POF1B: variants seen among roughly 807,000 people sequenced by gnomAD.
POF1B encodes POF1B actin binding protein.
A neutral mutation model predicts 55.3 loss-of-function variants in POF1B; 53 were observed. That is an observed-to-expected ratio of 0.96 (90% CI 0.77 to 1.20). The LOEUF is 1.20. Ranked by LOEUF, POF1B falls within the 50% of genes most tolerant of loss-of-function variation. POF1B has a pLI of 0.00. For synonymous variants in POF1B, 188 were observed against 148.3 expected (o/e 1.27, Z -1.95); for missense variants, 478 against 420.5 (o/e 1.14, Z -1.20).
intron 6 of POF1B, among the ~76,000 whole-genome samples, chrX:85,340,551 G>C (rs1186657681): frequency 3.6e-5 from 4 of 111,600 alleles, no homozygotes; most frequent in African/African-American, 1.3e-4. Flanking sequence ...TGAAAGCTAT[G>C]TGAACTGAAG....
At chrX:85,373,415 C>A (rs757469452) in intron 2 of POF1B, among the ~76,000 whole-genome samples, 1 of 111,405 alleles carries the variant, frequency 9.0e-6, no homozygotes, top group Admixed American at 9.6e-5. Flanking sequence ...CATAATAATG[C>A]ATGTTTTATC....
At chrX:85,287,705 T>C (rs1489869639) in intron 15 of POF1B, among the ~76,000 whole-genome samples, 2 of 111,392 alleles carry the variant, frequency 1.8e-5, no homozygotes, top group African/African-American at 3.3e-5. Flanking sequence ...TCTTCCAAAA[T>C]ATAAAATAGT....
chrX:85,365,900 G>A (rs921693488), intron 3 of POF1B, among the ~76,000 whole-genome samples: 1 of 111,117 alleles, frequency 9.0e-6, no homozygotes, highest in Admixed American at 9.6e-5. Flanking sequence ...TGGGGGTTCT[G>A]TGCTGTAGGC....
rs1932968396 is a variant in POF1B, at chrX:85,330,944, A to G, written c.854+5T>C. 3.4e-6 allele frequency: 4 copies of G among 1,172,642 alleles called. No homozygotes were observed. Among genetic ancestry groups the G allele is most frequent in the Admixed American group, 4.8e-5 (2 of 41,530 alleles). On this transcript the variant is annotated splice_donor_5th_base_variant and intron_variant, in intron 7 of 16. Coordinates refer to ENST00000262753, the MANE Select transcript of POF1B (RefSeq NM_024921.4). ...ACATCAAGGCAAATAATATGTTTAC[A>G]GTACCTTCCTCCAATTCTCTGCAAA...
chrX:85,304,040 AT>A (rs1252307920), intron 14 of POF1B, among the ~76,000 whole-genome samples: 1 of 111,309 alleles, frequency 9.0e-6, no homozygotes, highest in Non-Finnish European at 1.9e-5. Flanking sequence ...GAAGCAGCTC[AT>A]AATGTAGTAA....
rs150903638 is a variant in POF1B, at chrX:85,305,865, C to T, written c.1363G>A (p.Glu455Lys). 9 of 1,208,193 alleles carry T rather than the reference C, an allele frequency of 7.4e-6. No homozygotes were observed. The African/African-American group carries it at 1.2e-4, about 16-fold the overall frequency. ...TGPMLQAKMD[E>K]IGNHYTEMVK... ...ATCTCCGTGTAGTGGTTGCCAATCT[C>T]ATCCATTTTAGCCTGCAACATTGGG... Residue 455 changes from glutamate (E) to lysine (K), a missense_variant, in exon 13 of 17, where the codon GAG becomes AAG. By Grantham distance (56) the Glu-to-Lys change is moderately conservative. Coordinates refer to ENST00000262753, the MANE Select transcript of POF1B (RefSeq NM_024921.4).
At chrX:85,337,301 GCA>G (rs1294129345) in intron 6 of POF1B, among the ~76,000 whole-genome samples, 2 of 111,399 alleles carry the variant, frequency 1.8e-5, no homozygotes, top group East Asian at 5.7e-4. Flanking sequence ...CCTCCCTCAA[GCA>G]CACAGATTCT....
chrX:85,312,790 A>G (rs1932738371), intron 9 of POF1B, among the ~76,000 whole-genome samples: 2 of 111,834 alleles, frequency 1.8e-5, no homozygotes, highest in Non-Finnish European at 3.8e-5. Context: ...CAAGATATCG[A>G]TTCTTCCTAT....
intron 7 of POF1B, among the ~76,000 whole-genome samples, chrX:85,321,028 T>C (rs771902944): frequency 2.9e-4 from 32 of 111,546 alleles, no homozygotes; most frequent in African/African-American, 1.0e-3. Flanking sequence ...GAGGAGCTGG[T>C]ACCATTCCTT....
intron 7 of POF1B, among the ~76,000 whole-genome samples, chrX:85,322,602 A>G (rs1018775405): frequency 8.9e-6 from 1 of 111,931 alleles, no homozygotes; most frequent in Non-Finnish European, 1.9e-5. Flanking sequence ...ATGGGATCTA[A>G]TTAAACTAAA....
intron 16 of POF1B, among the ~76,000 whole-genome samples, chrX:85,281,229 G>A (rs1008197732): frequency 4.7e-5 from 5 of 107,095 alleles, no homozygotes; most frequent in African/African-American, 6.8e-5. Flanking sequence ...GGTATGACAC[G>A]TACTTAGAAT....
intron 5 of POF1B, among the ~76,000 whole-genome samples, chrX:85,348,340 T>C (rs1313499522): frequency 9.0e-6 from 1 of 111,623 alleles, no homozygotes; most frequent in Non-Finnish European, 1.9e-5. Context: ...AGATCAAACA[T>C]TTCTGATTTG....
intron 2 of POF1B, among the ~76,000 whole-genome samples, chrX:85,369,570 T>C (rs928214576): frequency 8.9e-6 from 1 of 111,749 alleles, no homozygotes; most frequent in Non-Finnish European, 1.9e-5. Context: ...ACAGTATCTC[T>C]TGTATTATGT....
intron 3 of POF1B, 24 bp downstream of exon 3, chrX:85,367,668 A>G (rs765444455): frequency 1.9e-6 from 2 of 1,077,342 alleles, no homozygotes; most frequent in Non-Finnish European, 2.6e-6. Flanking sequence ...GAACAAATCT[A>G]ATGTAATTCA....
intron 2 of POF1B, among the ~76,000 whole-genome samples, chrX:85,378,484 G>A (rs1444768147): frequency 4.5e-5 from 5 of 111,742 alleles, no homozygotes; most frequent in Non-Finnish European, 7.5e-5. Flanking sequence ...AGAAACAAAC[G>A]TATTTCATTT....
At chrX:85,366,478 A>T (rs996461584) in intron 3 of POF1B, among the ~76,000 whole-genome samples, 1 of 111,771 alleles carries the variant, frequency 8.9e-6, no homozygotes, top group Non-Finnish European at 1.9e-5. Context: ...ATAGTTCTAA[A>T]ATTTACTACA....
intron 6 of POF1B, among the ~76,000 whole-genome samples, chrX:85,340,539 G>C (rs1182338873): frequency 2.7e-5 from 3 of 111,483 alleles, no homozygotes; most frequent in African/African-American, 9.8e-5. Context: ...TCAAGGACTG[G>C]CTGAAAGCTA....
At position 85,335,435 on chromosome X, in the gene POF1B, C is replaced by G. The variant is rs773672414; in HGVS notation, c.724-4356G>C. Among the ~76,000 whole-genome samples, 4 of 111,497 alleles carry G rather than the reference C, an allele frequency of 3.6e-5. No homozygotes were observed. The East Asian group carries it at 8.5e-4, about 24-fold the overall frequency. On this transcript the variant is annotated intron_variant, in intron 6 of 16. Coordinates refer to ENST00000262753, the MANE Select transcript of POF1B (RefSeq NM_024921.4). Reference sequence around the variant, plus strand: ...TTTGGAACATTTAATATCTGTTAGACTGATTCAAACATAGTTAATCCAGTG... The same window carrying G: ...TTTGGAACATTTAATATCTGTTAGAGTGATTCAAACATAGTTAATCCAGTG...
intron 3 of POF1B, among the ~76,000 whole-genome samples, chrX:85,366,926 C>T (rs1373176775): frequency 9.0e-6 from 1 of 110,941 alleles, no homozygotes; most frequent in Admixed American, 9.6e-5. Flanking sequence ...TCATATTTTC[C>T]TTGCTATGCT....
Sources: gnomAD v4.1 joint callset for allele counts (sites outside exome capture counted in the v4.1 genomes callset) on GRCh38, gnomAD v4.1.1 for gene constraint, MANE v1.5 for transcripts, NCBI Gene and HGNC (gene_info 2026-07-23, HGNC 2026-07-21) for gene names.